TAFA1: variants seen among roughly 807,000 people sequenced by gnomAD.
TAFA1 encodes the protein chemokine-like protein TAFA-1.
A neutral mutation model predicts 18.5 loss-of-function variants in TAFA1; 4 were observed. The ratio of observed to expected loss-of-function variants is 0.22; its 90% CI spans 0.11 to 0.49. TAFA1 has a LOEUF of 0.49. TAFA1 is among the 20% of genes least tolerant of loss of function. The probability of loss-of-function intolerance (pLI) is 0.98; values close to 1 mark genes in which losing one functional copy is unlikely to be tolerated. For missense variants in TAFA1, 147 were observed against 169.0 expected (o/e 0.87, Z 0.72); for synonymous variants, 56 against 55.2 (o/e 1.01, Z -0.06).
chr3:68,475,479 G>A (rs1286044019), intron 3 of TAFA1, among the ~76,000 whole-genome samples: 4 of 152,148 alleles, frequency 2.6e-5, no homozygotes, highest in Non-Finnish European at 5.9e-5. Context: ...TCCCTACAAA[G>A]GACATGAGCT....
chr3:68,013,809 A>G (rs1460474689), intron 2 of TAFA1, among the ~76,000 whole-genome samples: 1 of 152,132 alleles, frequency 6.6e-6, no homozygotes, highest in African/African-American at 2.4e-5. Context: ...ACTTCATATA[A>G]TAAAGGTCCA....
intron 2 of TAFA1, among the ~76,000 whole-genome samples, chr3:68,088,924 G>T (rs778741823): frequency 6.6e-6 from 1 of 152,122 alleles, no homozygotes; most frequent in Non-Finnish European, 1.5e-5. Flanking sequence ...GATCGGACAT[G>T]CTGGTAACTA....
At chr3:68,378,347 G>T (rs2069861279) in intron 2 of TAFA1, among the ~76,000 whole-genome samples, 1 of 152,206 alleles carries the variant, frequency 6.6e-6, no homozygotes, top group African/African-American at 2.4e-5. Flanking sequence ...TGACTGCCCT[G>T]CTGGATTGCA....
chr3:68,176,957 G>T (rs949232678), intron 2 of TAFA1, among the ~76,000 whole-genome samples: 16 of 152,092 alleles, frequency 1.1e-4, no homozygotes, highest in African/African-American at 3.4e-4. Flanking sequence ...TTGCTCATCT[G>T]GTTCTTGGTG....
chr3:68,018,673 A>G (rs949214672), intron 2 of TAFA1, among the ~76,000 whole-genome samples: 1 of 152,190 alleles, frequency 6.6e-6, no homozygotes, highest in Non-Finnish European at 1.5e-5. Context: ...GGGCCAAATA[A>G]ATACTTGCTA....
chr3:68,156,870 G>A (rs929010193), intron 2 of TAFA1, among the ~76,000 whole-genome samples: 1 of 151,956 alleles, frequency 6.6e-6, no homozygotes, highest in African/African-American at 2.4e-5. Flanking sequence ...GAAAAACTGA[G>A]GCACAAAGAG....
At chr3:68,113,682 G>C (rs772839822) in intron 2 of TAFA1, among the ~76,000 whole-genome samples, 13 of 152,034 alleles carry the variant, frequency 8.6e-5, no homozygotes, top group Admixed American at 6.6e-5. Context: ...CCTATGCAAG[G>C]TTCCTACAAA....
At chr3:68,209,708 T>C (rs532808064) in intron 2 of TAFA1, among the ~76,000 whole-genome samples, 21 of 152,202 alleles carry the variant, frequency 1.4e-4, no homozygotes, top group Non-Finnish European at 2.8e-4. Context: ...TATCAACAAA[T>C]ACTACAACAT....
At chr3:68,111,994 C>T (rs888539071) in intron 2 of TAFA1, among the ~76,000 whole-genome samples, 7 of 152,128 alleles carry the variant, frequency 4.6e-5, no homozygotes, top group East Asian at 1.9e-4. Flanking sequence ...GGGTAATCAA[C>T]GTCTGCTGCC....
chr3:68,476,005 T>C (rs1165422731), intron 3 of TAFA1, among the ~76,000 whole-genome samples: 1 of 152,180 alleles, frequency 6.6e-6, no homozygotes, highest in Non-Finnish European at 1.5e-5. Flanking sequence ...TTTGATGGGA[T>C]TGTTTGTTTT....
chr3:68,006,761 C>T lies in TAFA1; in HGVS notation c.118+17C>T. The stretch of plus-strand genomic sequence containing the variant: ...ACAGACCAGGTAAGTCAGGAGCTGG[C>T]TCCACTGCAGCCTCCTCCAGTCTTA... On this transcript the variant is annotated intron_variant, in intron 2 of 4. Coordinates refer to ENST00000478136, the MANE Select transcript of TAFA1 (RefSeq NM_213609.4). 1 of 1,536,236 alleles carries T rather than the reference C, an allele frequency of 6.5e-7. No homozygotes were observed. Among genetic ancestry groups the T allele is most frequent in the South Asian group, 1.1e-5 (1 of 89,538 alleles).
chr3:68,334,617 A>G (rs2068939765), intron 2 of TAFA1, among the ~76,000 whole-genome samples: 2 of 152,130 alleles, frequency 1.3e-5, no homozygotes, highest in South Asian at 2.1e-4. Context: ...CATTTTTAAC[A>G]ATCTCTGAAC....
chr3:68,383,008 AT>A (rs1430472649), intron 2 of TAFA1, among the ~76,000 whole-genome samples: 1 of 151,952 alleles, frequency 6.6e-6, no homozygotes, highest in Non-Finnish European at 1.5e-5. Context: ...CAGCTTGACT[AT>A]TGTTGATGTA....
chr3:68,471,549 C>T (rs765600514), intron 3 of TAFA1, among the ~76,000 whole-genome samples: 8 of 151,972 alleles, frequency 5.3e-5, no homozygotes, highest in South Asian at 2.1e-4. Flanking sequence ...ACTTGGAGTC[C>T]GACGTTCAAG....
intron 2 of TAFA1, among the ~76,000 whole-genome samples, chr3:68,369,852 C>A (rs909697522): frequency 6.6e-6 from 1 of 152,070 alleles, no homozygotes; most frequent in Admixed American, 6.6e-5. Flanking sequence ...TTTGCAAGTG[C>A]CACACCTTCA....
upstream of TAFA1, among the ~76,000 whole-genome samples, chr3:68,002,867 G>A: frequency 6.6e-6 from 1 of 152,086 alleles, no homozygotes; most frequent in East Asian, 1.9e-4. Flanking sequence ...TGTGGGGTTG[G>A]TAAAAAGAAT....
chr3:68,259,767 T>G (rs1290090383), intron 2 of TAFA1, among the ~76,000 whole-genome samples: 1 of 151,912 alleles, frequency 6.6e-6, no homozygotes, highest in Non-Finnish European at 1.5e-5. Flanking sequence ...AGAATGCTTG[T>G]GATTTTTGTA....
intron 2 of TAFA1, among the ~76,000 whole-genome samples, chr3:68,224,489 T>C (rs924291093): frequency 3.3e-5 from 5 of 152,222 alleles, no homozygotes; most frequent in African/African-American, 1.2e-4. Context: ...GGCAAACTTT[T>C]TGGCTTTCTA....
chr3:68,442,571 A>G (rs1042606713), intron 3 of TAFA1, among the ~76,000 whole-genome samples: 2 of 152,190 alleles, frequency 1.3e-5, no homozygotes, highest in African/African-American at 4.8e-5. Flanking sequence ...ATAACCCAGT[A>G]GAGTTTATGA....
Sources: gnomAD v4.1 joint callset for allele counts (sites outside exome capture counted in the v4.1 genomes callset) on GRCh38, gnomAD v4.1.1 for gene constraint, MANE v1.5 for transcripts, NCBI Gene and HGNC (gene_info 2026-07-23, HGNC 2026-07-21) for gene names.